Variants in NEB observed in about 807,000 individuals in gnomAD.
The protein encoded by NEB is nemaline myopathy type 2.
In NEB, 512 loss-of-function variants were observed where a neutral mutation model predicts 952.2. The observed-to-expected ratio is 0.54, with a 90% CI of 0.50 to 0.58. NEB has a LOEUF of 0.58. Among genes scored for constraint, NEB ranks in the 20% least tolerant of loss-of-function variants. The pLI is 0.00. For synonymous variants in NEB, 2,900 were observed against 3,149.8 expected (o/e 0.92, Z 2.66); for missense variants, 8,428 against 9,231.1 (o/e 0.91, Z 3.56).
chr2:151,679,660 GACCCCAA>G, intron 32 of NEB, 54 bp downstream of exon 32: 3 of 682,630 alleles, frequency 4.4e-6, no homozygotes, highest in East Asian at 2.7e-5. Context: ...GTCATCGTCA[GACCCCAA>G]GCCCACCCAC....
At chr2:151,619,337 T>C (rs1394306130) in intron 73 of NEB, 114 bp downstream of exon 73, 22 of 1,165,958 alleles carry the variant, frequency 1.9e-5, no homozygotes, top group Non-Finnish European at 2.2e-5. Context: ...AGACATTTAA[T>C]TGTAAATTGT....
At chr2:151,566,466 CT>C (rs2096399609) in intron 114 of NEB, among the ~76,000 whole-genome samples, 1 of 152,162 alleles carries the variant, frequency 6.6e-6, no homozygotes, top group Non-Finnish European at 1.5e-5. Flanking sequence ...CAGTCTTTGA[CT>C]TCCAGGTTCC....
At position 151,677,638 on chromosome 2, in the gene NEB, G is replaced by A; in HGVS notation, c.3701C>T (p.Thr1234Ile). 1 of 1,613,938 alleles carries A rather than the reference G, an allele frequency of 6.2e-7. No homozygotes were observed. The highest frequency in any genetic ancestry group is 8.5e-7 in the Non-Finnish European group (1 of 1,179,878). The change falls in exon 34 of 182, where the codon ACC becomes ATC. Residue 1234 changes from threonine to isoleucine, a missense_variant. This residue lies in a region of NEB where 2,851 missense variants were observed against 2,791.5 expected (regional missense o/e 1.02). Transcript: ENST00000397345. ...GTCCACAATGCTGGTAAATTTGAGG[G>A]TGTCTGGATGTTGCCTGTACTTCTT... ...NEKKYRQHPD[T>I]LKFTSIVDSP...
Position 151,497,422 on chromosome 2 carries a change from A to G in NEB, c.24300+204T>C, listed in dbSNP as rs535760499. 6.3e-5 allele frequency: 62 copies of G among 979,086 alleles called. No homozygotes were observed. The South Asian group carries it at 1.4e-3, about 22-fold the overall frequency. 60.6% of individuals were successfully genotyped at this position (979,086 alleles called of 1,614,324 possible). A position where few individuals can be genotyped will look rare whatever the true frequency, so the allele number is the denominator to read the frequency against. ...AAAAAGATTGAAAATACCAGATGAA[A>G]TAAAAAATTGAAATTAACTGTATTA... On this transcript the variant is annotated intron_variant, in intron 171 of 181. Coordinates refer to ENST00000397345, the MANE Select transcript of NEB (RefSeq NM_001164508.2).
rs769660647 is a variant in NEB at position 151,609,984 on chromosome 2, T to G, written c.12155A>C (p.Gln4052Pro). 6.2e-7 allele frequency: 1 copy of G among 1,614,008 alleles called. No homozygotes were observed. The highest frequency in any genetic ancestry group is 1.1e-5 in the South Asian group (1 of 91,088). Residue 4052 changes from glutamine to proline, a missense_variant, in exon 81 of 182, where the codon CAA becomes CCA. Gln to Pro is a moderately conservative substitution (Grantham distance 76, BLOSUM62 -1). This residue lies in a region of NEB where 337 missense variants were observed against 297.5 expected (regional missense o/e 1.13). Coordinates refer to ENST00000397345, the MANE Select transcript of NEB (RefSeq NM_001164508.2). ...QSEREYKKEFQKWKTKFSSPV... is the reference protein window; with the variant it reads ...QSEREYKKEFPKWKTKFSSPV... ...GCTAGAGAACTTGGTTTTCCACTTT[T>G]GGAATTCCTTCTTGTACTCCCTTTC...
intron 135 of NEB, among the ~76,000 whole-genome samples, chr2:151,544,916 T>A (rs2094502315): frequency 6.6e-6 from 1 of 152,240 alleles, no homozygotes; most frequent in Non-Finnish European, 1.5e-5. Flanking sequence ...AGAATGAGAA[T>A]GGCCAACTGA....
At chr2:151,506,416 A>G (rs913324840) in intron 163 of NEB, 158 bp from the exon 164 acceptor site, 69 of 618,234 alleles carry the variant, frequency 1.1e-4, no homozygotes, top group Non-Finnish European at 1.9e-4. Flanking sequence ...CCATGTCAGT[A>G]TCAGTGACTC....
rs760147050 is a variant in NEB, at chr2:151,725,552, G to C, written c.303C>G (p.Tyr101Ter). Residue 101 changes from tyrosine (Y) to a stop codon, truncating the protein, a stop_gained, in exon 6 of 182, where the codon TAC (tyrosine) becomes TAG (stop). Coordinates refer to ENST00000397345, the MANE Select transcript of NEB (RefSeq NM_001164508.2). LOFTEE classifies it high-confidence loss of function. ...CTTTTGTTTTCTCAAACTTCTCCTT[G>C]TATTTATTCTGAAAAGAATATCAGA... ...KMQDLFSPNK[Y>*]KEKFEKTKGQ... 1 of 1,612,618 alleles carries C rather than the reference G, an allele frequency of 6.2e-7. No homozygotes were observed. Among genetic ancestry groups the C allele is most frequent in the Non-Finnish European group, 8.5e-7 (1 of 1,178,970 alleles).
chr2:151,507,765 A>T, intron 162 of NEB: 1 of 457,482 alleles, frequency 2.2e-6, no homozygotes, highest in Non-Finnish European at 3.9e-6. Context: ...GGTGAGGAAA[A>T]GATACTATAT....
chr2:151,627,770 T>A lies in NEB; in HGVS notation c.9896A>T (p.Asp3299Val), dbSNP rs1434766366. 1 of 1,613,856 alleles carries A rather than the reference T, an allele frequency of 6.2e-7. No homozygotes were observed. Among genetic ancestry groups the A allele is most frequent in the Non-Finnish European group, 8.5e-7 (1 of 1,179,876 alleles). The change falls in exon 69 of 182, where the codon GAT becomes GTT. Residue 3299 changes from aspartate (D) to valine (V), a missense_variant. Coordinates refer to ENST00000397345, the MANE Select transcript of NEB (RefSeq NM_001164508.2). ...GHHIGARNIE[D>V]DPKMMWSMHV... ...CATGGACCACATCATCTTGGGGTCA[T>A]CTTCAATGTTCCGGGCTCCAATGTG...
Position 151,631,180 on chromosome 2 carries a change from T to G in NEB, c.9581A>C (p.Gln3194Pro). 6.2e-7 allele frequency: 1 copy of G among 1,613,988 alleles called. No individual in the cohort carries two copies. Reference protein sequence around the residue: ...KFTSVTDSLEQVLAKNNALNM... With the variant: ...KFTSVTDSLEPVLAKNNALNM... ...GAGAGCATTGTTCTTGGCCAGCACC[T>G]GCTCTAGAGAATCAGTCACACTGGT... The change falls in exon 66 of 182, where the codon CAG becomes CCG. Residue 3194 changes from glutamine (Q) to proline (P), a missense_variant. By Grantham distance (76) the Gln-to-Pro change is moderately conservative. Transcript: ENST00000397345.
At position 151,618,314 on chromosome 2, in the gene NEB, C is replaced by T. The variant is rs886054942; in HGVS notation, c.11037G>A (p.Glu3679=). The part of the protein sequence containing the change: ...LKFTSITDTP[E]QVLAKNNALN... ...AAGCATTGTTTTTTGCCAGCACCTG[C>T]TCCGGAGTGTCCGTTATACTGGTAA... Residue 3679 remains glutamate, a synonymous_variant, in exon 74 of 182, where the codon GAG becomes GAA. Transcript: ENST00000397345. The T allele has an allele frequency of 2.5e-6, 4 of 1,613,834 alleles. No individual in the cohort carries two copies. In the African/African-American group the frequency reaches 5.3e-5, roughly 22 times the overall value.
At chr2:151,662,431 C>T (rs1011185805) in intron 45 of NEB, 90 bp from the exon 46 acceptor site, 24 of 1,153,648 alleles carry the variant, frequency 2.1e-5, no homozygotes, top group Non-Finnish European at 2.7e-5. Flanking sequence ...ACTTCCATTT[C>T]ATTTGTAAAT....
chr2:151,688,808 A>G (rs114076111), intron 24 of NEB, among the ~76,000 whole-genome samples: 1,907 of 152,314 alleles, frequency 0.013, 15 homozygotes, highest in Non-Finnish European at 0.02. Context: ...CTCTCAAAAT[A>G]TCTTACTGTA....
chr2:151,623,701 A>G (rs1421895390), intron 71 of NEB, among the ~76,000 whole-genome samples: 1 of 152,138 alleles, frequency 6.6e-6, no homozygotes, highest in South Asian at 2.1e-4. Context: ...AATATCTTTG[A>G]GATAAATTCC....
At chr2:151,575,869 T>C (rs1422554847) in intron 106 of NEB, 70 bp from the exon 107 acceptor site, 2 of 1,106,502 alleles carry the variant, frequency 1.8e-6, no homozygotes, top group Non-Finnish European at 2.7e-6. Flanking sequence ...TATGCAACTT[T>C]TAAATTTTCT....
chr2:151,647,483 A>G (rs2098975851), intron 54 of NEB, among the ~76,000 whole-genome samples: 1 of 152,244 alleles, frequency 6.6e-6, no homozygotes, highest in African/African-American at 2.4e-5. Context: ...TTACTTATCA[A>G]TTACAAAGGA....
At position 151,655,877 on chromosome 2, in the gene NEB, C is replaced by T. The variant is rs2154147684; in HGVS notation, c.6642G>A (p.Lys2214=). 2.5e-6 allele frequency: 4 copies of T among 1,613,804 alleles called. No individual in the cohort carries two copies. The highest frequency in any genetic ancestry group is 3.3e-4 in the Middle Eastern group (2 of 6,058). The change falls in exon 50 of 182, where the codon AAG becomes AAA. Residue 2214 remains lysine, a synonymous_variant. Coordinates refer to ENST00000397345, the MANE Select transcript of NEB (RefSeq NM_001164508.2). ...CCATGTCCATGGAATCAGTCAGCTTCTTAAACTGGAAGTTGCTCGGGTGCT... is the reference window on the plus strand; with the variant it reads ...CCATGTCCATGGAATCAGTCAGCTTTTTAAACTGGAAGTTGCTCGGGTGCT... The part of the protein sequence containing the change: ...YRQHPSNFQF[K]KLTDSMDMVL...
At chr2:151,693,889 G>A (rs192974246) in intron 20 of NEB, among the ~76,000 whole-genome samples, 2 of 152,080 alleles carry the variant, frequency 1.3e-5, no homozygotes, top group East Asian at 1.9e-4. Context: ...TATGCCTTAT[G>A]TAGTTTTTCT....
Sources: allele counts gnomAD v4.1 joint callset (sites outside exome capture counted in the v4.1 genomes callset), GRCh38; gene constraint gnomAD v4.1.1; regional missense constraint gnomAD v4.1.1; transcripts MANE v1.5; gene names NCBI Gene and HGNC (gene_info 2026-07-23, HGNC 2026-07-21).